The following KLF12 variants were observed in gnomAD, a reference collection of about 807,000 sequenced individuals.
The protein encoded by KLF12 is Krueppel-like factor 12.
In KLF12, 9 loss-of-function variants were observed where a neutral mutation model predicts 37.8. The observed-to-expected ratio is 0.24, with a 90% confidence interval of 0.14 to 0.42. The LOEUF is 0.42. KLF12 is among the 10% of genes least tolerant of loss of function. The pLI is 1.00. For synonymous variants in KLF12, 208 were observed against 202.1 expected (o/e 1.03, Z -0.25); for missense variants, 411 against 516.0 (o/e 0.80, Z 1.97).
chr13:74,142,214 G>A, the KLF12 span, among the ~76,000 whole-genome samples: 1 of 152,286 alleles, frequency 6.6e-6, no homozygotes, highest in Admixed American at 6.5e-5. Context: ...GTCTGCTTAT[G>A]GCTTATCCTT....
At chr13:73,828,831 T>C (rs925530807) in intron 4 of KLF12, among the ~76,000 whole-genome samples, 4 of 152,210 alleles carry the variant, frequency 2.6e-5, no homozygotes, top group Non-Finnish European at 5.9e-5. Context: ...ATTTGAACAA[T>C]ACCAACTTAT....
intron 3 of KLF12, among the ~76,000 whole-genome samples, chr13:73,919,194 A>G (rs1261838922): frequency 6.6e-6 from 1 of 152,188 alleles, no homozygotes; most frequent in Admixed American, 6.5e-5. Context: ...GATTTAGTTC[A>G]GCTGTTCCTT....
At chr13:73,706,146 T>C (rs1874931230) in intron 7 of KLF12, among the ~76,000 whole-genome samples, 1 of 152,100 alleles carries the variant, frequency 6.6e-6, no homozygotes, top group Non-Finnish European at 1.5e-5. Flanking sequence ...AGAGTGAGAC[T>C]CCATCTCAAA....
Position 73,904,465 on chromosome 13 carries a change from TTTCC to T in KLF12, c.123+39512_123+39515del, listed in dbSNP as rs1175466596. The stretch of plus-strand genomic sequence containing the variant: ...AAGACAGTTTCTCATGTTTTCTTTC[TTTCC>T]TTTTTTTTTTTTTTTTTTTTTTTAC... On this transcript the variant is annotated intron_variant, in intron 3 of 7. Coordinates refer to ENST00000377669, the MANE Select transcript of KLF12 (RefSeq NM_007249.5). Among the ~76,000 whole-genome samples, 175 of 103,048 alleles carry T rather than the reference TTTCC, an allele frequency of 1.7e-3. 6 individuals carry two copies. The highest frequency in any genetic ancestry group is 2.8e-3 in the South Asian group (9 of 3,258). 67.6% of individuals were successfully genotyped at this position (103,048 alleles called of 152,430 possible).
intron 2 of KLF12, among the ~76,000 whole-genome samples, chr13:73,959,883 A>T (rs764656361): frequency 6.6e-6 from 1 of 152,156 alleles, no homozygotes; most frequent in African/African-American, 2.4e-5. Context: ...GCAAACCACC[A>T]CCACCTTTTG....
At chr13:73,729,823 G>C (rs1251440962) in intron 6 of KLF12, among the ~76,000 whole-genome samples, 3 of 152,076 alleles carry the variant, frequency 2.0e-5, no homozygotes, top group Non-Finnish European at 2.9e-5. Flanking sequence ...TCACCATAGG[G>C]AAGCAAGTGA....
intron 2 of KLF12, among the ~76,000 whole-genome samples, chr13:73,967,134 A>G (rs1452344814): frequency 6.6e-6 from 1 of 152,198 alleles, no homozygotes; most frequent in African/African-American, 2.4e-5. Flanking sequence ...CCATAATTAA[A>G]TGCATCTTTG....
At chr13:73,820,991 C>T (rs151118431) in intron 4 of KLF12, among the ~76,000 whole-genome samples, 101 of 152,350 alleles carry the variant, frequency 6.6e-4, no homozygotes, top group African/African-American at 1.9e-3. Flanking sequence ...TACTTCATAT[C>T]TGGCATCTTT....
chr13:73,848,770 A>G (rs1793695147), intron 3 of KLF12, among the ~76,000 whole-genome samples: 1 of 152,108 alleles, frequency 6.6e-6, no homozygotes. Context: ...AAAAATAAGG[A>G]AGAATAAACC....
chr13:73,739,646 A>T (rs1877805634), intron 6 of KLF12, among the ~76,000 whole-genome samples: 1 of 144,970 alleles, frequency 6.9e-6, no homozygotes, highest in African/African-American at 2.5e-5. Flanking sequence ...GTTATCTGAC[A>T]TTCTCTAGAG....
chr13:73,822,703 A>G (rs1477112121), intron 4 of KLF12, among the ~76,000 whole-genome samples: 1 of 152,230 alleles, frequency 6.6e-6, no homozygotes, highest in African/African-American at 2.4e-5. Flanking sequence ...ATAGAGATTT[A>G]CAATTGTCTT....
chr13:73,951,601 G>A (rs1566478983), intron 2 of KLF12, among the ~76,000 whole-genome samples: 1 of 152,114 alleles, frequency 6.6e-6, no homozygotes, highest in Non-Finnish European at 1.5e-5. Context: ...CAAGTACCAC[G>A]GCTGAGGTGG....
intron 1 of KLF12, among the ~76,000 whole-genome samples, chr13:74,067,607 A>G (rs1873989586): frequency 6.6e-6 from 1 of 152,210 alleles, no homozygotes; most frequent in Non-Finnish European, 1.5e-5. Context: ...CATATTGAAG[A>G]AAAAAACCAC....
At chr13:73,814,605 C>T (rs1310489183) in intron 4 of KLF12, among the ~76,000 whole-genome samples, 2 of 152,108 alleles carry the variant, frequency 1.3e-5, no homozygotes, top group East Asian at 1.9e-4. Context: ...TATACCAAAA[C>T]GTGCTTTGCA....
chr13:74,227,554 G>T, the KLF12 span, among the ~76,000 whole-genome samples: 1 of 152,130 alleles, frequency 6.6e-6, no homozygotes, highest in African/African-American at 2.4e-5. Context: ...CTTGGCCAAA[G>T]TTTTTTCTAT....
the KLF12 span, among the ~76,000 whole-genome samples, chr13:74,203,772 A>T: frequency 6.6e-6 from 1 of 152,150 alleles, no homozygotes; most frequent in Non-Finnish European, 1.5e-5. Flanking sequence ...TCCAGTGCTC[A>T]GGTTACAGAG....
chr13:74,135,594 C>G (rs944214235), upstream of KLF12, among the ~76,000 whole-genome samples: 1 of 151,102 alleles, frequency 6.6e-6, no homozygotes, highest in Non-Finnish European at 1.5e-5. Context: ...CGGAAGCGGC[C>G]GGGCGGGCGG....
chr13:73,989,980 CG>C (rs61578665), intron 2 of KLF12, among the ~76,000 whole-genome samples: 101,103 of 151,894 alleles, frequency 0.67, 35,158 homozygotes, highest in East Asian at 0.83. Context: ...CAAGGGTTCA[CG>C]TAATACAATA....
chr13:73,801,465 A>C (rs932780920), intron 5 of KLF12: 3 of 152,118 alleles, frequency 2.0e-5, no homozygotes, highest in Admixed American at 1.3e-4. Context: ...GAAACTTATT[A>C]ATATTTCAAC....
Sources: allele counts gnomAD v4.1 joint callset (sites outside exome capture counted in the v4.1 genomes callset), GRCh38; gene constraint gnomAD v4.1.1; transcripts MANE v1.5; gene names NCBI Gene and HGNC (gene_info 2026-07-23, HGNC 2026-07-21).